The following CDH13 variants were observed in gnomAD, a reference collection of about 807,000 sequenced individuals.
The protein encoded by CDH13 is cadherin-13.
A neutral mutation model predicts 63.8 loss-of-function variants in CDH13; 24 were observed. The ratio of observed to expected loss-of-function variants is 0.38; its 90% CI spans 0.27 to 0.53. CDH13 has a LOEUF of 0.53. Ranked by LOEUF, CDH13 falls within the 20% of genes least tolerant of loss-of-function variation. The pLI, the probability that CDH13 is intolerant of heterozygous loss-of-function variation, is 0.85. For missense variants in CDH13, 1,049 were observed against 903.1 expected (o/e 1.16, Z -2.07); for synonymous variants, 503 against 355.3 (o/e 1.42, Z -4.67).
At chr16:83,093,100 C>A (rs140728110) in intron 3 of CDH13, among the ~76,000 whole-genome samples, 2 of 152,062 alleles carry the variant, frequency 1.3e-5, no homozygotes, top group Admixed American at 1.3e-4. Flanking sequence ...ACTCACTCAA[C>A]CTCCATCTAT....
At chr16:82,731,115 T>C (rs1226767060) in intron 1 of CDH13, among the ~76,000 whole-genome samples, 3 of 152,174 alleles carry the variant, frequency 2.0e-5, no homozygotes, top group Non-Finnish European at 2.9e-5. Flanking sequence ...CGGGAGTATT[T>C]ATATGACAGG....
chr16:83,254,206 C>T (rs1905933428), intron 5 of CDH13, among the ~76,000 whole-genome samples: 1 of 152,142 alleles, frequency 6.6e-6, no homozygotes, highest in Non-Finnish European at 1.5e-5. Context: ...AATTAGCCTC[C>T]CCACCTGGGG....
At chr16:83,147,143 C>T (rs2036785722) in intron 4 of CDH13, among the ~76,000 whole-genome samples, 2 of 152,180 alleles carry the variant, frequency 1.3e-5, no homozygotes, top group Non-Finnish European at 2.9e-5. Flanking sequence ...CATAGTGTAA[C>T]ATGATTTTTG....
intron 7 of CDH13, among the ~76,000 whole-genome samples, chr16:83,509,756 T>C (rs1018119502): frequency 6.6e-6 from 1 of 152,226 alleles, no homozygotes; most frequent in South Asian, 2.1e-4. Flanking sequence ...CTAAGTTTTA[T>C]TAAAGCCTTA....
chr16:83,268,082 A>T (rs1429857685), intron 5 of CDH13, among the ~76,000 whole-genome samples: 1 of 152,128 alleles, frequency 6.6e-6, no homozygotes, highest in Admixed American at 6.5e-5. Flanking sequence ...ATATAGATAC[A>T]CCTGCCCCTA....
chr16:83,537,226 G>A (rs2075208653), intron 7 of CDH13, among the ~76,000 whole-genome samples: 1 of 152,192 alleles, frequency 6.6e-6, no homozygotes, highest in South Asian at 2.1e-4. Flanking sequence ...ATAAGTATTT[G>A]TTGAGCAAGT....
At chr16:83,367,405 A>G (rs991012499) in intron 6 of CDH13, among the ~76,000 whole-genome samples, 1 of 152,202 alleles carries the variant, frequency 6.6e-6, no homozygotes, top group Non-Finnish European at 1.5e-5. Flanking sequence ...GTCCATGGAC[A>G]TCGGGTTGTT....
chr16:83,182,832 A>G (rs2038390184), intron 4 of CDH13, among the ~76,000 whole-genome samples: 2 of 152,216 alleles, frequency 1.3e-5, no homozygotes, highest in Non-Finnish European at 2.9e-5. Flanking sequence ...TCATGAGGAA[A>G]AATGTCTCTT....
intron 2 of CDH13, among the ~76,000 whole-genome samples, chr16:82,894,203 T>C (rs1014538192): frequency 6.6e-5 from 10 of 152,194 alleles, no homozygotes; most frequent in Middle Eastern, 3.4e-3. Flanking sequence ...AATCCACCTG[T>C]CTTGGCCTTC....
intron 5 of CDH13, among the ~76,000 whole-genome samples, chr16:83,258,277 C>T (rs185951295): frequency 1.3e-5 from 2 of 152,096 alleles, no homozygotes; most frequent in Non-Finnish European, 2.9e-5. Flanking sequence ...GGCAAATGTG[C>T]CAATAAAAGG....
At chr16:83,681,395 G>A (rs1414391954) in intron 10 of CDH13, among the ~76,000 whole-genome samples, 1 of 152,188 alleles carries the variant, frequency 6.6e-6, no homozygotes, top group African/African-American at 2.4e-5. Context: ...CAGCCGTGGA[G>A]CAAAGTAAAT....
intron 2 of CDH13, among the ~76,000 whole-genome samples, chr16:83,019,880 A>G (rs1915187048): frequency 6.6e-6 from 1 of 151,798 alleles, no homozygotes; most frequent in Admixed American, 6.6e-5. Flanking sequence ...TATATTAAAT[A>G]TATAAACCAG....
chr16:83,683,989 C>T (rs568808932), intron 10 of CDH13, among the ~76,000 whole-genome samples: 1 of 152,330 alleles, frequency 6.6e-6, no homozygotes, highest in East Asian at 1.9e-4. Flanking sequence ...AGCAACCGTT[C>T]CTCCAGGTGC....
intron 7 of CDH13, among the ~76,000 whole-genome samples, chr16:83,533,865 C>CCCA (rs2151636416): frequency 6.6e-6 from 1 of 152,232 alleles, no homozygotes; most frequent in South Asian, 2.1e-4. Flanking sequence ...AAGTGATCCG[C>CCCA]CCACCTCAGC....
At chr16:82,676,896 G>GTTTTGTTTCA (rs370108283) in intron 1 of CDH13, among the ~76,000 whole-genome samples, 3 of 147,172 alleles carry the variant, frequency 2.0e-5, no homozygotes, top group Non-Finnish European at 4.6e-5. Context: ...GTTTTGTTTT[G>GTTTTGTTTCA]TTTTTTTCAA....
chr16:83,193,192 A>G (rs1269267033), intron 4 of CDH13, among the ~76,000 whole-genome samples: 1 of 151,874 alleles, frequency 6.6e-6, no homozygotes, highest in Admixed American at 6.6e-5. Context: ...CGTGGCAGCT[A>G]TGTGGCTTCT....
At chr16:82,658,486 AAGAG>A (rs1431859674) in intron 1 of CDH13, among the ~76,000 whole-genome samples, 1 of 152,216 alleles carries the variant, frequency 6.6e-6, no homozygotes, top group Non-Finnish European at 1.5e-5. Flanking sequence ...TACCTGTCTC[AAGAG>A]AGAAAGTAGC....
chr16:83,629,877 G>T (rs151181610), intron 8 of CDH13, among the ~76,000 whole-genome samples: 1 of 152,236 alleles, frequency 6.6e-6, no homozygotes, highest in Non-Finnish European at 1.5e-5. Context: ...CAGGGGAAGA[G>T]AGCTTACAAC....
intron 2 of CDH13, among the ~76,000 whole-genome samples, chr16:82,887,081 G>A (rs1371739972): frequency 6.6e-6 from 1 of 152,018 alleles, no homozygotes; most frequent in South Asian, 2.1e-4. Flanking sequence ...TTTTAAATAG[G>A]GCAAAGAAGC....
Sources: gnomAD v4.1 joint callset for allele counts (sites outside exome capture counted in the v4.1 genomes callset) on GRCh38, gnomAD v4.1.1 for gene constraint, MANE v1.5 for transcripts, NCBI Gene and HGNC (gene_info 2026-07-23, HGNC 2026-07-21) for gene names.